The following ZNF81 variants were observed in gnomAD, a reference collection of about 807,000 sequenced individuals.
The protein encoded by ZNF81 is zinc finger protein 81.
In ZNF81, 5 loss-of-function variants were observed where a neutral mutation model predicts 32.3. The observed-to-expected ratio is 0.15, with a 90% CI of 0.08 to 0.33. The LOEUF is 0.33. Among genes scored for constraint, ZNF81 ranks in the 10% least tolerant of loss-of-function variants. The probability of loss-of-function intolerance (pLI) is 1.00; values close to 1 mark genes in which losing one functional copy is unlikely to be tolerated. For missense variants in ZNF81, 379 were observed against 479.8 expected, an observed-to-expected ratio of 0.79 and a Z score of 1.96; for synonymous variants, 163 against 166.8, an observed-to-expected ratio of 0.98 and a Z score of 0.17.
At chrX:47,887,124 A>T (rs2058644921) in intron 2 of ZNF81, among the ~76,000 whole-genome samples, 2 of 111,581 alleles carry the variant, frequency 1.8e-5, no homozygotes, top group Non-Finnish European at 3.8e-5. Context: ...GTCAAAAAAC[A>T]ATTGTCCGTA....
chrX:47,911,518 A>C (rs1556889934), intron 4 of ZNF81, among the ~76,000 whole-genome samples: 1 of 111,841 alleles, frequency 8.9e-6, no homozygotes, highest in East Asian at 2.8e-4. Context: ...TCATCATTCA[A>C]ATGTTGAGCA....
chrX:47,898,771 G>A (rs148334396), intron 4 of ZNF81, among the ~76,000 whole-genome samples: 1,541 of 111,835 alleles, frequency 0.014, 27 homozygotes, highest in African/African-American at 0.048. Context: ...TTTCAGCATA[G>A]AGGTCATAGG....
At chrX:47,894,005 A>G (rs2058671501) in intron 3 of ZNF81, among the ~76,000 whole-genome samples, 3 of 111,522 alleles carry the variant, frequency 2.7e-5, no homozygotes, top group Admixed American at 9.6e-5. Flanking sequence ...AAAACTGTCA[A>G]AGAAAACCAG....
chrX:47,840,900 C>A (rs1603160297), intron 1 of ZNF81: 6 of 434,845 alleles, frequency 1.4e-5, no homozygotes, highest in Non-Finnish European at 2.4e-5. Context: ...AAATTCCCCC[C>A]AAAAATAAAA....
chrX:47,912,297 T>C (rs782259271), intron 4 of ZNF81, among the ~76,000 whole-genome samples: 77 of 108,431 alleles, frequency 7.1e-4, no homozygotes, highest in African/African-American at 2.5e-3. Flanking sequence ...GAGGATGAGA[T>C]TTTGGATGGG....
In ZNF81 at chrX:47,919,987, T is replaced by G. The variant is rs1258924980; in HGVS notation, c.*3355T>G. 1 of 111,933 alleles carries G rather than the reference T, an allele frequency of 8.9e-6. No individual in the cohort carries two copies. The highest frequency in any genetic ancestry group is 1.9e-5 in the Non-Finnish European group (1 of 53,194). 9.2% of individuals were successfully genotyped at this position (111,933 alleles called of 1,213,427 possible). On this transcript the variant is annotated 3_prime_UTR_variant, in exon 5 of 5. Transcript: ENST00000338637. ...AATTTTTGGCTGAATGTCACAGATG[T>G]TGTATGTAGGACAGTAGAAACTGAG...
chrX:47,841,130 T>G, intron 1 of ZNF81: 1 of 848,014 alleles, frequency 1.2e-6, no homozygotes, highest in East Asian at 3.1e-5. Context: ...GGGAAGGCAA[T>G]TTCATGAATG....
At chrX:47,881,512 T>C (rs1388084324) in intron 2 of ZNF81, among the ~76,000 whole-genome samples, 1 of 112,345 alleles carries the variant, frequency 8.9e-6, no homozygotes, top group African/African-American at 3.2e-5. Flanking sequence ...ACCATAGGAC[T>C]GACATATAAA....
chrX:47,915,354 C>T lies in ZNF81; in HGVS notation c.708C>T (p.His236=), dbSNP rs782560420. The T allele has an allele frequency of 6.6e-6, 8 of 1,211,343 alleles. No homozygotes were observed. The highest frequency in any genetic ancestry group is 3.0e-5 in the East Asian group (1 of 33,808). Residue 236 remains histidine (H), a synonymous_variant, in exon 5 of 5, where the codon CAC becomes CAT. Transcript: ENST00000338637. The part of the protein sequence containing the change: ...VFTQNSSYSH[H]ENTHTGVKFC... ...CCCAGAACTCTTCTTATAGTCACCA[C>T]GAAAATACACATACAGGAGTGAAGT...
intron 2 of ZNF81, among the ~76,000 whole-genome samples, chrX:47,871,272 C>T (rs2058579276): frequency 9.0e-6 from 1 of 111,539 alleles, no homozygotes; most frequent in Non-Finnish European, 1.9e-5. Context: ...TTCAAATTTC[C>T]CCTATTATAT....
intron 3 of ZNF81, among the ~76,000 whole-genome samples, chrX:47,894,834 C>T (rs1265249057): frequency 9.0e-6 from 1 of 111,678 alleles, no homozygotes; most frequent in Non-Finnish European, 1.9e-5. Flanking sequence ...CTATCCTATA[C>T]CTGTCCCACC....
At chrX:47,846,767 A>G (rs1415469133) in intron 2 of ZNF81, among the ~76,000 whole-genome samples, 6 of 111,874 alleles carry the variant, frequency 5.4e-5, no homozygotes, top group Non-Finnish European at 1.1e-4. Context: ...TAATAGTTTT[A>G]AAGAATGTTT....
At position 47,872,937 on chromosome X, in the gene ZNF81, T is replaced by C. The variant is rs782304563; in HGVS notation, c.55-15062T>C. 9.9e-5 allele frequency among the ~76,000 whole-genome samples: 11 copies of C among 111,298 alleles called. No homozygotes were observed. In the South Asian group the frequency reaches 3.8e-3, roughly 39 times the overall value. Reference sequence around the variant, plus strand: ...CAGTATCATTATTCTGTGGGGCCCATTGATTTGTTTCAGTTTGGGGTACTT... The same window carrying C: ...CAGTATCATTATTCTGTGGGGCCCACTGATTTGTTTCAGTTTGGGGTACTT... On this transcript the variant is annotated intron_variant, in intron 2 of 4. Coordinates refer to ENST00000338637, the MANE Select transcript of ZNF81 (RefSeq NM_007137.5).
intron 2 of ZNF81, among the ~76,000 whole-genome samples, chrX:47,852,371 G>A (rs148686172): frequency 0.015 from 1,635 of 112,092 alleles, 41 homozygotes; most frequent in African/African-American, 0.051. Context: ...CTTCCTGAAA[G>A]ATTTCTCTGT....
chrX:47,865,406 G>A (rs2058556213), intron 2 of ZNF81, among the ~76,000 whole-genome samples: 1 of 111,938 alleles, frequency 8.9e-6, no homozygotes, highest in Non-Finnish European at 1.9e-5. Context: ...GGTGTTGCTG[G>A]TGACTCTGTA....
intron 4 of ZNF81, among the ~76,000 whole-genome samples, chrX:47,907,741 G>A (rs997715846): frequency 9.0e-6 from 1 of 111,503 alleles, no homozygotes; most frequent in Non-Finnish European, 1.9e-5. Flanking sequence ...GGCCTTAAAA[G>A]GATACTAAGA....
intron 1 of ZNF81, among the ~76,000 whole-genome samples, chrX:47,844,057 G>A (rs1172592671): frequency 8.9e-6 from 1 of 111,788 alleles, no homozygotes; most frequent in Non-Finnish European, 1.9e-5. Flanking sequence ...GCTGTATTCC[G>A]TAACTTCTGG....
At chrX:47,846,611 AT>A in intron 2 of ZNF81, among the ~76,000 whole-genome samples, 1 of 111,209 alleles carries the variant, frequency 9.0e-6, no homozygotes, top group East Asian at 2.8e-4. Flanking sequence ...TCACTTCGTA[AT>A]TTGCAATTAG....
chrX:47,887,526 AG>A (rs1366612315), intron 2 of ZNF81, among the ~76,000 whole-genome samples: 1 of 111,975 alleles, frequency 8.9e-6, no homozygotes, highest in Non-Finnish European at 1.9e-5. Context: ...GAAATCATAC[AG>A]AGTATACTTT....
Sources: gnomAD v4.1 joint callset for allele counts (sites outside exome capture counted in the v4.1 genomes callset) on GRCh38, gnomAD v4.1.1 for gene constraint, MANE v1.5 for transcripts, NCBI Gene and HGNC (gene_info 2026-07-23, HGNC 2026-07-21) for gene names.